Variants in RETN observed in about 807,000 individuals in gnomAD.
RETN encodes resistin, also known as C/EBP-epsilon regulated myeloid-specific secreted cysteine-rich protein precursor 1.
A neutral mutation model predicts 6.1 loss-of-function variants in RETN; 5 were observed. The ratio of observed to expected loss-of-function variants is 0.82; its 90% CI spans 0.43 to 1.73. The LOEUF (loss-of-function observed/expected upper bound fraction) is 1.73. Among genes scored for constraint, RETN ranks in the 40% most tolerant of loss-of-function variants. The probability of loss-of-function intolerance (pLI) is 0.02; values close to 1 mark genes in which losing one functional copy is unlikely to be tolerated. For missense variants in RETN, 168 were observed against 142.5 expected (o/e 1.18, Z -0.91); for synonymous variants, 62 against 59.2 (o/e 1.05, Z -0.22).
Position 7,669,358 on chromosome 19 carries a change from T to C in RETN, c.32T>C (p.Val11Ala), listed in dbSNP as rs2032451639. Residue 11 changes from valine to alanine, a missense_variant, in exon 2 of 4, where the codon GTC becomes GCC. Coordinates refer to ENST00000221515, the MANE Select transcript of RETN (RefSeq NM_020415.4). ...GCTCTCTGTCTCCTCCTCCTCCCTG[T>C]CCTGGGGCTGTTGGTGTCTAGCAAG... is the stretch of plus-strand genomic sequence containing the variant. MKALCLLLLP[V>A]LGLLVSSKTL... 6.2e-7 allele frequency: 1 copy of C among 1,613,836 alleles called. No individual in the cohort carries two copies. The highest frequency in any genetic ancestry group is 1.1e-5 in the South Asian group (1 of 91,076).
rs1450667894 is a variant in RETN, at chr19:7,669,458, A to G, written c.118+14A>G. On this transcript the variant is annotated intron_variant, in intron 2 of 3. Transcript: ENST00000221515. ...CCGGCTCCCTAAGTGAGGACCCCCC[A>G]CTTGGGCAAGCTCCCCAAGGGTCTC... 6.3e-7 allele frequency: 1 copy of G among 1,587,720 alleles called. No individual in the cohort carries two copies. Among genetic ancestry groups the G allele is most frequent in the Non-Finnish European group, 8.6e-7 (1 of 1,156,130 alleles).
At chr19:7,669,279 G>A in intron 1 of RETN, 38 bp from the exon 2 acceptor site, 1 of 1,431,282 alleles carries the variant, frequency 7.0e-7, no homozygotes, top group Non-Finnish European at 9.9e-7. Context: ...ACAGGGCAGG[G>A]CTGATCCAGC....
intron 2 of RETN, 148 bp from the exon 3 acceptor site, chr19:7,669,673 A>G: frequency 1.3e-6 from 1 of 778,770 alleles, no homozygotes. Context: ...CCTTACTCCA[A>G]AACACCCAAC....
At chr19:7,669,636 C>T (rs1173792909) in intron 2 of RETN, among the ~76,000 whole-genome samples, 185 bp from the exon 3 acceptor site, 1 of 152,132 alleles carries the variant, frequency 6.6e-6, no homozygotes, top group African/African-American at 2.4e-5. Flanking sequence ...GCTCCAAACC[C>T]AATCCCCGCT....
At position 7,669,068 on chromosome 19, in the gene RETN, G is replaced by A; in HGVS notation, c.-64G>A. On this transcript the variant is annotated 5_prime_UTR_variant, in exon 1 of 4. Transcript: ENST00000221515. ...CACCCCAAGAGGCCTCAAAGAAAGA[G>A]CTGCGGTGCAGGAATTCGTGTGCCG... is the stretch of plus-strand genomic sequence containing the variant. The A allele has an allele frequency of 2.1e-6, 1 of 469,622 alleles. No individual in the cohort carries two copies. The highest frequency in any genetic ancestry group is 3.9e-6 in the Non-Finnish European group (1 of 256,420). The allele number at this position is 469,622 out of a possible 1,614,324, so 29.1% of individuals were successfully genotyped here.
chr19:7,669,282 G>C (rs779717965), intron 1 of RETN, 35 bp from the exon 2 acceptor site: 4 of 1,460,410 alleles, frequency 2.7e-6, no homozygotes, highest in Non-Finnish European at 2.9e-6. Flanking sequence ...GGGCAGGGCT[G>C]ATCCAGCTGT....
chr19:7,670,128 C>T, intron 3 of RETN, 91 bp from the exon 4 acceptor site: 1 of 527,428 alleles, frequency 1.9e-6, no homozygotes, highest in Non-Finnish European at 3.5e-6. Context: ...ACCCCCGCCC[C>T]CCCAACCCCC....
chr19:7,670,113 T>TGGCC, intron 3 of RETN, 106 bp from the exon 4 acceptor site: 1 of 465,518 alleles, frequency 2.1e-6, no homozygotes, highest in Non-Finnish European at 3.9e-6. Context: ...GCCGTCCCCG[T>TGGCC]CCCCACCCCC....
Position 7,669,451 on chromosome 19 carries a change from AC to A in RETN, c.118+13del, listed in dbSNP as rs761183709. The A allele has an allele frequency of 3.1e-6, 5 of 1,595,808 alleles. No individual in the cohort carries two copies. The highest frequency in any genetic ancestry group is 1.7e-5 in the Admixed American group (1 of 59,916). On this transcript the variant is annotated splice_region_variant and intron_variant, in intron 2 of 3. Coordinates refer to ENST00000221515, the MANE Select transcript of RETN (RefSeq NM_020415.4). ...GAGGTCGCCGGCTCCCTAAGTGAGGACCCCCCACTTGGGCAAGCTCCCCAAG... is the reference window on the plus strand; with the variant it reads ...GAGGTCGCCGGCTCCCTAAGTGAGGACCCCCACTTGGGCAAGCTCCCCAAG...
chr19:7,669,996 C>T, intron 3 of RETN, 98 bp downstream of exon 3: 1 of 1,038,474 alleles, frequency 9.6e-7, no homozygotes, highest in Non-Finnish European at 1.5e-6. Context: ...GCCTCTACTC[C>T]CCTAGGATCT....
At chr19:7,669,266 C>T (rs2032449269) in intron 1 of RETN, 51 bp from the exon 2 acceptor site, 2 of 1,329,086 alleles carry the variant, frequency 1.5e-6, no homozygotes, top group Non-Finnish European at 2.2e-6. Context: ...CCGGATCTTC[C>T]CCACAGGGCA....
chr19:7,669,906 C>G lies in RETN; in HGVS notation c.196+8C>G, dbSNP rs1263041290. 2 of 1,612,456 alleles carry G rather than the reference C, an allele frequency of 1.2e-6. No homozygotes were observed. Among genetic ancestry groups the G allele is most frequent in the Non-Finnish European group, 1.7e-6 (2 of 1,178,742 alleles). The stretch of plus-strand genomic sequence containing the variant: ...TGGCTACTTGCCCCCGAGGTGAGTG[C>G]AGGAGACTGTTGTCCAGGCGCCCAT... On this transcript the variant is annotated splice_region_variant and intron_variant, in intron 3 of 3. Coordinates refer to ENST00000221515, the MANE Select transcript of RETN (RefSeq NM_020415.4).
At chr19:7,670,133 A>ACCCCCCCCCCCCCCCCCCC (rs1294400837) in intron 3 of RETN, 86 bp from the exon 4 acceptor site, 1 of 267,272 alleles carries the variant, frequency 3.7e-6, no homozygotes, top group African/African-American at 7.9e-5. Flanking sequence ...CGCCCCCCCA[A>ACCCCCCCCCCCCCCCCCCC]CCCCCCTCCG....
At chr19:7,669,272 G>T in intron 1 of RETN, 45 bp from the exon 2 acceptor site, 2 of 1,375,200 alleles carry the variant, frequency 1.5e-6, no homozygotes, top group Admixed American at 3.3e-5. Context: ...CTTCCCCACA[G>T]GGCAGGGCTG....
chr19:7,670,452 ATGATGATG>A, exon 4 of RETN: 1 of 1,084,252 alleles, frequency 9.2e-7, no homozygotes, highest in Non-Finnish European at 1.3e-6. Context: ...GATGATGATG[ATGATGATG>A]ATGGAGCGGA....
Position 7,669,386 on chromosome 19 carries a change from C to A in RETN, c.60C>A (p.Thr20=). 6.2e-7 allele frequency: 1 copy of A among 1,613,970 alleles called. No individual in the cohort carries two copies. The highest frequency in any genetic ancestry group is 1.1e-5 in the South Asian group (1 of 91,076). Residue 20 remains threonine, a synonymous_variant, in exon 2 of 4, where the codon ACC becomes ACA. Transcript: ENST00000221515. ...TGGGGCTGTTGGTGTCTAGCAAGACCCTGTGCTCCATGGAAGAAGCCATCA... is the reference window on the plus strand; with the variant it reads ...TGGGGCTGTTGGTGTCTAGCAAGACACTGTGCTCCATGGAAGAAGCCATCA... The part of the protein sequence containing the change: ...PVLGLLVSSK[T]LCSMEEAINE...
chr19:7,669,711 G>T, intron 2 of RETN, 110 bp from the exon 3 acceptor site: 1 of 946,830 alleles, frequency 1.1e-6, no homozygotes. Flanking sequence ...AGGCCAGTGA[G>T]CTCCTATGCC....
At position 7,669,715 on chromosome 19, in the gene RETN, C is replaced by T. The variant is rs115911735; in HGVS notation, c.119-106C>T. The T allele has an allele frequency of 1.0e-3, 1,046 of 999,812 alleles. 8 individuals are homozygous for T. The African/African-American group carries it at 0.013, about 12-fold the overall frequency. 61.9% of individuals were successfully genotyped at this position (999,812 alleles called of 1,614,324 possible). On this transcript the variant is annotated intron_variant, in intron 2 of 3. Transcript: ENST00000221515. Reference sequence around the variant, plus strand: ...CAGGGTCCTGGAGGCCAGTGAGCTCCTATGCCCACAGGGACCTAGCTCCAA... The same window carrying T: ...CAGGGTCCTGGAGGCCAGTGAGCTCTTATGCCCACAGGGACCTAGCTCCAA...
chr19:7,669,339 T>C lies in RETN; in HGVS notation c.13T>C (p.Cys5Arg). 1 of 1,613,420 alleles carries C rather than the reference T, an allele frequency of 6.2e-7. No homozygotes were observed. The highest frequency in any genetic ancestry group is 8.5e-7 in the Non-Finnish European group (1 of 1,179,448). MKAL[C>R]LLLLPVLGLL... The stretch of plus-strand genomic sequence containing the variant: ...CAGCGCCTGCAGGATGAAAGCTCTC[T>C]GTCTCCTCCTCCTCCCTGTCCTGGG... Residue 5 changes from cysteine (C) to arginine (R), a missense_variant, in exon 2 of 4, where the codon TGT (cysteine) becomes CGT (arginine). Coordinates refer to ENST00000221515, the MANE Select transcript of RETN (RefSeq NM_020415.4).
Sources: gnomAD v4.1 joint callset for allele counts (sites outside exome capture counted in the v4.1 genomes callset) on GRCh38, gnomAD v4.1.1 for gene constraint, MANE v1.5 for transcripts, NCBI Gene and HGNC (gene_info 2026-07-23, HGNC 2026-07-21) for gene names.